TNFAIP2: variants seen among roughly 807,000 people sequenced by gnomAD.
TNFAIP2 encodes tumor necrosis factor alpha-induced protein 2.
A neutral mutation model predicts 63.5 loss-of-function variants in TNFAIP2; 47 were observed. That is an observed-to-expected ratio of 0.74 (90% CI 0.59 to 0.94). The LOEUF is 0.94. Ranked by LOEUF, TNFAIP2 falls within the 40% of genes least tolerant of loss-of-function variation. The pLI is 0.00. For missense variants in TNFAIP2, 787 were observed against 850.2 expected (o/e 0.93, Z 0.92); for synonymous variants, 405 against 390.2 (o/e 1.04, Z -0.45).
rs765218881 is a variant in TNFAIP2 at position 103,127,536 on chromosome 14, A to G, written c.767A>G (p.His256Arg). Residue 256 changes from histidine (H) to arginine (R), a missense_variant, in exon 3 of 12, where the codon CAC (histidine) becomes CGC (arginine). By Grantham distance (29) the His-to-Arg change is conservative. This residue lies in a region of TNFAIP2 where 523 missense variants were observed against 604.1 expected (regional missense o/e 0.87). Transcript: ENST00000560869. The surrounding 1 kb of genome is among the most constrained non-coding windows in gnomAD (Gnocchi z 5.1). ...GCCTACGCCGAGAGCTACCACCAGC[A>G]CTTCGCGGCCCACCTGGCCGCCGTG... ...VAAYAESYHQ[H>R]FAAHLAAVAQ... 98 of 1,587,920 alleles carry G rather than the reference A, an allele frequency of 6.2e-5. No individual in the cohort carries two copies. The highest frequency in any genetic ancestry group is 2.2e-5 in the Non-Finnish European group (26 of 1,174,234).
intron 9 of TNFAIP2, 86 bp downstream of exon 9, chr14:103,132,958 G>C (rs535362831): frequency 6.4e-7 from 1 of 1,570,860 alleles, no homozygotes; most frequent in East Asian, 2.3e-5. Flanking sequence ...GTACACTCAC[G>C]CACATGTGCT....
In TNFAIP2 at chr14:103,136,340, C is replaced by T. The variant is rs376449631; in HGVS notation, c.*980C>T. ...TGACCCGGGGCTCAAATCTGGGTGTCGGCAGTCCTGCACTCCTTCTGGAGG... is the reference window on the plus strand; with the variant it reads ...TGACCCGGGGCTCAAATCTGGGTGTTGGCAGTCCTGCACTCCTTCTGGAGG... On this transcript the variant is annotated 3_prime_UTR_variant, in exon 12 of 12. Transcript: ENST00000560869. The T allele has an allele frequency of 6.2e-5, 11 of 178,742 alleles. No individual in the cohort carries two copies. The highest frequency in any genetic ancestry group is 1.1e-4 in the Non-Finnish European group (9 of 83,318). 11.1% of individuals were successfully genotyped at this position (178,742 alleles called of 1,614,324 possible). A position where few individuals can be genotyped will look rare whatever the true frequency, so the allele number is the denominator to read the frequency against.
Position 103,127,059 on chromosome 14 carries a change from T to C in TNFAIP2, c.290T>C (p.Leu97Pro), listed in dbSNP as rs1207648215. 2 of 1,139,390 alleles carry C rather than the reference T, an allele frequency of 1.8e-6. No individual in the cohort carries two copies. Among genetic ancestry groups the C allele is most frequent in the Non-Finnish European group, 2.2e-6 (2 of 929,134 alleles). The allele number at this position is 1,139,390 out of a possible 1,614,324, so 70.6% of individuals were successfully genotyped here. ...GGGCAGCTGGAGGCGGCGCGGCCGC[T>C]GCTGGCGCTGGAGCGGGAGCTGGCG... Reference protein sequence around the residue: ...ERGQLEAARPLLALERELAAA... With the variant: ...ERGQLEAARPPLALERELAAA... The change falls in exon 3 of 12, where the codon CTG becomes CCG. Residue 97 changes from leucine (L) to proline (P), a missense_variant. Leu to Pro is a moderately conservative substitution (Grantham distance 98, BLOSUM62 -3). Around this residue, in one of 3 missense-constraint regions of TNFAIP2, gnomAD observed 258 missense variants for 228.9 expected, o/e 1.13. Transcript: ENST00000560869. This position sits in a 1 kb window ranked among gnomAD's most constrained non-coding sequence, Gnocchi z 5.1.
In TNFAIP2 at chr14:103,132,834, C is replaced by G. The variant is rs757254497; in HGVS notation, c.1507C>G (p.Leu503Val). 1 of 1,614,078 alleles carries G rather than the reference C, an allele frequency of 6.2e-7. No homozygotes were observed. Among genetic ancestry groups the G allele is most frequent in the Non-Finnish European group, 8.5e-7 (1 of 1,179,974 alleles). ...ENIIATVDTR[L>V]PEFSELQGCF... is the part of the protein sequence containing the mutation. ...CATCATCGCCACTGTAGACACGAGG[C>G]TGCCTGAGTTCTCAGAGCTGCAGGG... Residue 503 changes from leucine to valine, a missense_variant, in exon 9 of 12, where the codon CTG becomes GTG. Leu to Val is a conservative substitution (Grantham distance 32, BLOSUM62 1). Around this residue, in one of 3 missense-constraint regions of TNFAIP2, gnomAD observed 523 missense variants for 604.1 expected, o/e 0.87. Coordinates refer to ENST00000560869, the MANE Select transcript of TNFAIP2 (RefSeq NM_006291.4).
At position 103,135,795 on chromosome 14, in the gene TNFAIP2, T is replaced by A. The variant is rs777906879; in HGVS notation, c.*435T>A. The A allele has an allele frequency of 1.6e-5, 21 of 1,294,632 alleles. No homozygotes were observed. The highest frequency in any genetic ancestry group is 2.1e-5 in the Non-Finnish European group (21 of 992,766). The allele number at this position is 1,294,632 out of a possible 1,614,324, so 80.2% of individuals were successfully genotyped here. A position where few individuals can be genotyped will look rare whatever the true frequency, so the allele number is the denominator to read the frequency against. On this transcript the variant is annotated 3_prime_UTR_variant, in exon 12 of 12. Coordinates refer to ENST00000560869, the MANE Select transcript of TNFAIP2 (RefSeq NM_006291.4). The surrounding 1 kb of genome is among the most constrained non-coding windows in gnomAD (Gnocchi z 7.6). ...GGAGACAGGGGCCGAGCCTCACCCA[T>A]CTGCCCTCTGCAGCCCAGGGCCGCC... is the stretch of plus-strand genomic sequence containing the variant.
chr14:103,130,203 C>G (rs2087943682), intron 5 of TNFAIP2, 79 bp downstream of exon 5: 1 of 1,562,154 alleles, frequency 6.4e-7, no homozygotes, highest in African/African-American at 1.4e-5. Context: ...GTCCTGTGTG[C>G]ATACCCATGC....
rs979491002 is a variant in TNFAIP2, at chr14:103,127,931, G to A, written c.860+302G>A. 1.3e-5 allele frequency among the ~76,000 whole-genome samples: 2 copies of A among 152,170 alleles called. No individual in the cohort carries two copies. The highest frequency in any genetic ancestry group is 4.8e-5 in the African/African-American group (2 of 41,432). On this transcript the variant is annotated intron_variant, in intron 3 of 11. Transcript: ENST00000560869. This position sits in a 1 kb window ranked among gnomAD's most constrained non-coding sequence, Gnocchi z 5.1. ...AAACTGAGGCACAGAAAATGGTAGGGATTTCATTCACGAGCGCCCAGTCTG... is the reference window on the plus strand; with the variant it reads ...AAACTGAGGCACAGAAAATGGTAGGAATTTCATTCACGAGCGCCCAGTCTG...
rs572835282 is a variant in TNFAIP2, at chr14:103,124,725, C to T, written c.-149+774C>T. ...GGGCTGGGAAGCGAAGTTGGGGCAC[C>T]GGGTGGGGAGCAGAGGTGCCCCATG... On this transcript the variant is annotated intron_variant, in intron 1 of 11. Transcript: ENST00000560869. Among the ~76,000 whole-genome samples, 4 of 152,326 alleles carry T rather than the reference C, an allele frequency of 2.6e-5. No homozygotes were observed. In the South Asian group the frequency reaches 8.3e-4, roughly 32 times the overall value.
chr14:103,125,807 G>A (rs988636778), intron 1 of TNFAIP2, among the ~76,000 whole-genome samples: 1 of 152,198 alleles, frequency 6.6e-6, no homozygotes, highest in Non-Finnish European at 1.5e-5. Flanking sequence ...AGAGGGGCTG[G>A]GTCTGGGCAG....
rs546965956 is a variant in TNFAIP2 at position 103,130,738 on chromosome 14, C to T, written c.1200-314C>T. On this transcript the variant is annotated intron_variant, in intron 6 of 11. Transcript: ENST00000560869. ...CATACAACACTCCTAGTCTCCACCA[C>T]CTGAATTCTCTCTGCTCTCTCCCTC... Among the ~76,000 whole-genome samples, 67 of 152,334 alleles carry T rather than the reference C, an allele frequency of 4.4e-4. 1 individual carries two copies. The highest frequency in any genetic ancestry group is 8.1e-4 in the Non-Finnish European group (55 of 68,022).
chr14:103,133,084 A>C (rs1341670782), intron 9 of TNFAIP2, among the ~76,000 whole-genome samples: 1 of 152,208 alleles, frequency 6.6e-6, no homozygotes, highest in East Asian at 1.9e-4. Flanking sequence ...ACACATGTGA[A>C]TGCACGAGCA....
rs1484137216 is a variant in TNFAIP2 at position 103,127,450 on chromosome 14, C to T, written c.681C>T (p.Asp227=). 10 of 1,588,396 alleles carry T rather than the reference C, an allele frequency of 6.3e-6. No homozygotes were observed. The African/African-American group carries it at 1.1e-4, about 17-fold the overall frequency. The change falls in exon 3 of 12, where the codon GAC becomes GAT. Residue 227 remains aspartate, a synonymous_variant. Coordinates refer to ENST00000560869, the MANE Select transcript of TNFAIP2 (RefSeq NM_006291.4). The surrounding 1 kb of genome is among the most constrained non-coding windows in gnomAD (Gnocchi z 5.1). ...FLHLGRTMKE[D]LEAVVERLKP... ...ACTTGGGCCGCACCATGAAGGAGGACCTGGAGGCCGTGGTGGAGCGGCTGA... is the reference window on the plus strand; with the variant it reads ...ACTTGGGCCGCACCATGAAGGAGGATCTGGAGGCCGTGGTGGAGCGGCTGA...
At chr14:103,130,448 C>A in intron 6 of TNFAIP2, 33 bp downstream of exon 6, 2 of 1,544,452 alleles carry the variant, frequency 1.3e-6, no homozygotes, top group Non-Finnish European at 1.8e-6. Flanking sequence ...GTCCCTGTAG[C>A]CACCGCTCTC....
At chr14:103,134,510 A>G (rs1351281572) in intron 11 of TNFAIP2, among the ~76,000 whole-genome samples, 1 of 112,952 alleles carries the variant, frequency 8.9e-6, no homozygotes, top group Non-Finnish European at 1.7e-5. Context: ...CCACCTACCC[A>G]TGTAAGCACC....
In TNFAIP2 at chr14:103,133,104, A is replaced by T. The variant is rs1369497950; in HGVS notation, c.1545+232A>T. Among the ~76,000 whole-genome samples, 4 of 152,180 alleles carry T rather than the reference A, an allele frequency of 2.6e-5. No homozygotes were observed. In the East Asian group the frequency reaches 7.7e-4, roughly 29 times the overall value. On this transcript the variant is annotated intron_variant, in intron 9 of 11. Transcript: ENST00000560869. The stretch of plus-strand genomic sequence containing the variant: ...TGTGAATGCACGAGCATGTGAACAC[A>T]TGCACACATATGAACACACGTGAAG...
Position 103,127,357 on chromosome 14 carries a change from G to A in TNFAIP2, c.588G>A (p.Glu196=). The A allele has an allele frequency of 7.6e-7, 1 of 1,317,540 alleles. No homozygotes were observed. 81.6% of individuals were successfully genotyped at this position (1,317,540 alleles called of 1,614,324 possible). The change falls in exon 3 of 12, where the codon GAG becomes GAA. Residue 196 remains glutamate, a synonymous_variant. Coordinates refer to ENST00000560869, the MANE Select transcript of TNFAIP2 (RefSeq NM_006291.4). The surrounding 1 kb of genome is among the most constrained non-coding windows in gnomAD (Gnocchi z 5.1). ...AGCTGTGGCGGCGCGGCGTGGCGGA[G>A]GCGGCCGAGGAGCGCATGGGCCAGC... ...WLQLWRRGVA[E]AAEERMGQRP... is the part of the protein sequence containing the mutation.
chr14:103,131,634 T>C lies in TNFAIP2; in HGVS notation c.1299-5T>C. The C allele has an allele frequency of 4.4e-6, 7 of 1,588,880 alleles. No homozygotes were observed. Among genetic ancestry groups the C allele is most frequent in the Non-Finnish European group, 6.0e-6 (7 of 1,173,654 alleles). Reference sequence around the variant, plus strand: ...TGGGGTGACCTCTCTGCCTCCACCTTCCAGGATGTCCATGGAGCAGAATTG... The same window carrying C: ...TGGGGTGACCTCTCTGCCTCCACCTCCCAGGATGTCCATGGAGCAGAATTG... On this transcript the variant is annotated splice_region_variant and splice_polypyrimidine_tract_variant and intron_variant, in intron 7 of 11. Coordinates refer to ENST00000560869, the MANE Select transcript of TNFAIP2 (RefSeq NM_006291.4). This position sits in a 1 kb window ranked among gnomAD's most constrained non-coding sequence, Gnocchi z 4.0.
intron 8 of TNFAIP2, among the ~76,000 whole-genome samples, chr14:103,132,269 C>G (rs539947945): frequency 6.6e-6 from 1 of 152,104 alleles, no homozygotes; most frequent in African/African-American, 2.4e-5. Flanking sequence ...GCTGTGAAAA[C>G]AAGTAGTTCC....
At chr14:103,122,502 T>C, upstream of TNFAIP2, 1 of 361,174 alleles carries the variant, frequency 2.8e-6, no homozygotes, top group Non-Finnish European at 5.6e-6. Flanking sequence ...CAGGAATTCC[T>C]AGCCTAGAGT....
Sources: gnomAD v4.1 joint callset for allele counts (sites outside exome capture counted in the v4.1 genomes callset) on GRCh38, gnomAD v4.1.1 for gene constraint, gnomAD v4.1.1 regional missense constraint, Gnocchi (gnomAD v3.1) non-coding constraint, MANE v1.5 for transcripts, NCBI Gene and HGNC (gene_info 2026-07-23, HGNC 2026-07-21) for gene names.